The following CTSC variants were observed in gnomAD, a reference collection of about 807,000 sequenced individuals.
CTSC encodes the protein dipeptidyl peptidase 1.
CTSC carries 37 observed loss-of-function variants against 40.9 expected under a neutral mutation model. That is an observed-to-expected ratio of 0.91 (90% CI 0.70 to 1.19). The LOEUF is 1.19. Ranked by LOEUF, CTSC falls within the 50% of genes most tolerant of loss-of-function variation. The pLI is 0.00. For missense variants in CTSC, 594 were observed against 567.3 expected, an observed-to-expected ratio of 1.05 and a Z score of -0.48; for synonymous variants, 232 against 207.4, an observed-to-expected ratio of 1.12 and a Z score of -1.02.
chr11:88,335,802 C>G (rs935014071), intron 1 of CTSC, among the ~76,000 whole-genome samples: 14 of 152,226 alleles, frequency 9.2e-5, no homozygotes, highest in Admixed American at 9.1e-4. Context: ...GATAAATAAA[C>G]AGACTATCAG....
intron 1 of CTSC, among the ~76,000 whole-genome samples, chr11:88,336,663 A>AT (rs1337953101): frequency 6.6e-6 from 1 of 152,140 alleles, no homozygotes; most frequent in African/African-American, 2.4e-5. Flanking sequence ...ATTATAGCTG[A>AT]TTTTTTACTG....
chr11:88,332,871 T>G (rs1938399486), intron 2 of CTSC, among the ~76,000 whole-genome samples: 1 of 152,250 alleles, frequency 6.6e-6, no homozygotes, highest in African/African-American at 2.4e-5. Context: ...ACCATATGAT[T>G]AGGCAGGGTT....
chr11:88,324,231 T>C (rs1445934885), intron 2 of CTSC: 1 of 250,356 alleles, frequency 4.0e-6, no homozygotes, highest in African/African-American at 2.3e-5. Flanking sequence ...GACCCCTTTC[T>C]TATACCTATA....
intron 2 of CTSC, among the ~76,000 whole-genome samples, chr11:88,334,191 G>C (rs895369237): frequency 1.3e-5 from 2 of 152,162 alleles, no homozygotes; most frequent in Non-Finnish European, 2.9e-5. Flanking sequence ...CTAGTTTCAG[G>C]CTTATGTATC....
chr11:88,335,868 G>A (rs905031071), intron 1 of CTSC, among the ~76,000 whole-genome samples: 3 of 152,184 alleles, frequency 2.0e-5, no homozygotes, highest in African/African-American at 7.2e-5. Context: ...GATCTATTCG[G>A]AGAAGAAATG....
rs796959607 is a variant in CTSC at position 88,301,808 on chromosome 11, G to GCACACA, written c.642-1164_642-1163insTGTGTG. 4.5e-3 allele frequency among the ~76,000 whole-genome samples: 533 copies of GCACACA among 119,458 alleles called. 3 individuals are homozygous for GCACACA. Among genetic ancestry groups the GCACACA allele is most frequent in the Admixed American group, 7.3e-3 (80 of 11,018 alleles). 78.4% of individuals were successfully genotyped at this position (119,458 alleles called of 152,430 possible). A position where few individuals can be genotyped will look rare whatever the true frequency, so the allele number is the denominator to read the frequency against. On this transcript the variant is annotated intron_variant, in intron 4 of 6. Coordinates refer to ENST00000227266, the MANE Select transcript of CTSC (RefSeq NM_001814.6). ...CATGCACACACACACAAACACACGC[G>GCACACA]CGCACACACACACACACACACACAC...
chr11:88,330,115 C>T (rs1384246592), intron 2 of CTSC, among the ~76,000 whole-genome samples: 1 of 152,128 alleles, frequency 6.6e-6, no homozygotes, highest in Non-Finnish European at 1.5e-5. Context: ...AGAAACTGGC[C>T]TGTAGATAGT....
chr11:88,323,314 T>C (rs1591237401), intron 2 of CTSC: 1 of 152,174 alleles, frequency 6.6e-6, no homozygotes, highest in Non-Finnish European at 1.5e-5. Context: ...GATAATATCA[T>C]ACTGAATGGG....
rs572838411 is a variant in CTSC, at chr11:88,305,874, G to A, written c.641+3289C>T. Among the ~76,000 whole-genome samples the A allele has an allele frequency of 2.7e-3, 411 of 152,282 alleles. 2 individuals are homozygous for A. The highest frequency in any genetic ancestry group is 9.5e-3 in the African/African-American group (394 of 41,566). ...CTCAGAAACATAGCATATGACACTT[G>A]GTAAAGCAGCTGTGACTGAGGCTCC... On this transcript the variant is annotated intron_variant, in intron 4 of 6. Coordinates refer to ENST00000227266, the MANE Select transcript of CTSC (RefSeq NM_001814.6).
intron 1 of CTSC, among the ~76,000 whole-genome samples, chr11:88,336,499 A>C (rs1215251593): frequency 6.6e-6 from 1 of 151,060 alleles, no homozygotes; most frequent in South Asian, 2.1e-4. Context: ...AGATCCCGCC[A>C]CTGAACTACA....
chr11:88,315,322 A>AGCT (rs1231609713), intron 2 of CTSC, among the ~76,000 whole-genome samples: 1 of 152,208 alleles, frequency 6.6e-6, no homozygotes, highest in African/African-American at 2.4e-5. Flanking sequence ...TACACACAGG[A>AGCT]AGACATTCAC....
At chr11:88,329,455 C>CAAAAAA (rs34568364) in intron 2 of CTSC, among the ~76,000 whole-genome samples, 4 of 67,878 alleles carry the variant, frequency 5.9e-5, no homozygotes, top group African/African-American at 2.3e-4. Context: ...GACTCCATTT[C>CAAAAAA]AAAAAAAAAA....
In CTSC at chr11:88,313,172, C is replaced by T. The variant is rs541764576; in HGVS notation, c.319-618G>A. On this transcript the variant is annotated intron_variant, in intron 2 of 6. Coordinates refer to ENST00000227266, the MANE Select transcript of CTSC (RefSeq NM_001814.6). ...GCAACTTGCACCTCCCAGGTTCAAG[C>T]GATTCTCTTGCCTCAACCTCCCGAG... 7.2e-5 allele frequency among the ~76,000 whole-genome samples: 11 copies of T among 152,244 alleles called. No individual in the cohort carries two copies. In the South Asian group the frequency reaches 8.3e-4, roughly 12 times the overall value.
At chr11:88,302,136 CTA>C (rs2134773586) in intron 4 of CTSC, among the ~76,000 whole-genome samples, 1 of 152,278 alleles carries the variant, frequency 6.6e-6, no homozygotes, top group African/African-American at 2.4e-5. Flanking sequence ...TTACTATAAA[CTA>C]TTTGAATTTC....
At chr11:88,328,166 T>C (rs1391190906) in intron 2 of CTSC, 1 of 1,613,608 alleles carries the variant, frequency 6.2e-7, no homozygotes, top group Admixed American at 1.7e-5. Flanking sequence ...CCCAGCTGCA[T>C]GAACAAATGA....
chr11:88,297,484 T>C (rs1167187201), intron 5 of CTSC: 1 of 152,080 alleles, frequency 6.6e-6, no homozygotes, highest in East Asian at 1.9e-4. Flanking sequence ...AGGAAACCAA[T>C]GTCAAAGAAA....
In CTSC at chr11:88,335,075, T is replaced by C. The variant is rs762254893; in HGVS notation, c.180A>G (p.Gln60=). 6.2e-7 allele frequency: 1 copy of C among 1,606,378 alleles called. No homozygotes were observed. The highest frequency in any genetic ancestry group is 1.1e-5 in the South Asian group (1 of 90,458). ...GAAGGTACACCACTACTTTTTTTTCTTGTGGTCCTAAAGAAAAAAAAAAAA... is the reference window on the plus strand; with the variant it reads ...GAAGGTACACCACTACTTTTTTTTCCTGTGGTCCTAAAGAAAAAAAAAAAA... The part of the protein sequence containing the change: ...RDVNCSVMGP[Q]EKKVVVYLQK... Residue 60 remains glutamine, a synonymous_variant, in exon 2 of 7, where the codon CAA becomes CAG. Coordinates refer to ENST00000227266, the MANE Select transcript of CTSC (RefSeq NM_001814.6).
chr11:88,325,309 T>C (rs1938150577), intron 2 of CTSC: 1 of 985,446 alleles, frequency 1.0e-6, no homozygotes, highest in Non-Finnish European at 1.2e-6. Context: ...GAAAAAACCC[T>C]GGTTTAGGCA....
chr11:88,335,815 C>G (rs1591247848), intron 1 of CTSC, among the ~76,000 whole-genome samples: 1 of 152,192 alleles, frequency 6.6e-6, no homozygotes, highest in East Asian at 1.9e-4. Context: ...ACTATCAGAT[C>G]CTAAGGAAGA....
Sources: gnomAD v4.1 joint callset for allele counts (sites outside exome capture counted in the v4.1 genomes callset) on GRCh38, gnomAD v4.1.1 for gene constraint, MANE v1.5 for transcripts, NCBI Gene and HGNC (gene_info 2026-07-23, HGNC 2026-07-21) for gene names.